Variants in COL12A1 observed in about 807,000 individuals in gnomAD.
COL12A1 encodes the protein collagen type XII alpha 1 chain, also known as collagen alpha-1(XII) chain.
A neutral mutation model predicts 349.7 loss-of-function variants in COL12A1; 114 were observed. The observed-to-expected ratio is 0.33, with a 90% confidence interval of 0.28 to 0.38. The LOEUF is 0.38. Ranked by LOEUF, COL12A1 falls within the 10% of genes least tolerant of loss-of-function variation. The pLI, the probability that COL12A1 is intolerant of heterozygous loss-of-function variation, is 1.00. For synonymous variants in COL12A1, 1,369 were observed against 1,329.0 expected (o/e 1.03, Z -0.66); for missense variants, 3,284 against 3,756.9 (o/e 0.87, Z 3.29).
At chr6:75,098,512 A>G (rs565004869) in intron 58 of COL12A1, among the ~76,000 whole-genome samples, 1 of 152,202 alleles carries the variant, frequency 6.6e-6, no homozygotes, top group Non-Finnish European at 1.5e-5. Flanking sequence ...GAAAAAAAGT[A>G]GCCAAGCATG....
chr6:75,190,177 C>T (rs1426734465), intron 5 of COL12A1, among the ~76,000 whole-genome samples: 2 of 151,896 alleles, frequency 1.3e-5, no homozygotes, highest in African/African-American at 4.8e-5. Context: ...TTTACAAGTA[C>T]AAATTTTATA....
Position 75,090,246 on chromosome 6 carries a change from C to T in COL12A1, c.8805G>A (p.Gln2935=), listed in dbSNP as rs1470807167. 6.2e-7 allele frequency: 1 copy of T among 1,613,728 alleles called. No homozygotes were observed. The change falls in exon 63 of 66, where the codon CAG becomes CAA. Residue 2935 remains glutamine, a synonymous_variant. Coordinates refer to ENST00000322507, the MANE Select transcript of COL12A1 (RefSeq NM_004370.6). This position sits in a 1 kb window ranked among gnomAD's most constrained non-coding sequence, Gnocchi z 4.1. The part of the protein sequence containing the change: ...QMLNQIPNDY[Q]SSRNQPGPPG... Reference sequence around the variant, plus strand: ...GCGGGCCTGGCTGGTTGCGACTGGACTGGTAATCATTTGGAATCTGATTCA... The same window carrying T: ...GCGGGCCTGGCTGGTTGCGACTGGATTGGTAATCATTTGGAATCTGATTCA...
At position 75,181,078 on chromosome 6, in the gene COL12A1, G is replaced by T. The variant is rs1298600418; in HGVS notation, c.2025C>A (p.Val675=). The change falls in exon 11 of 66, where the codon GTC becomes GTA. Residue 675 remains valine (V), a synonymous_variant. Transcript: ENST00000322507. Reference sequence around the variant, plus strand: ...TGCTCGATGCTGGCTCCACCACAGTGACCTCATCATCCCCAGCCGCTTCCT... The same window carrying T: ...TGCTCGATGCTGGCTCCACCACAGTTACCTCATCATCCCCAGCCGCTTCCT... ...TYKEAAGDDE[V]TVVEPASSTS... 6.2e-7 allele frequency: 1 copy of T among 1,613,776 alleles called. No individual in the cohort carries two copies. Among genetic ancestry groups the T allele is most frequent in the African/African-American group, 1.3e-5 (1 of 74,838 alleles).
Position 75,090,246 on chromosome 6 carries a change from C to A in COL12A1, c.8805G>T (p.Gln2935His). Residue 2935 changes from glutamine (Q) to histidine (H), a missense_variant, in exon 63 of 66, where the codon CAG becomes CAT. Around this residue, in one of 2 missense-constraint regions of COL12A1, gnomAD observed 683 missense variants for 932.1 expected, o/e 0.73. Transcript: ENST00000322507. The surrounding 1 kb of genome is among the most constrained non-coding windows in gnomAD (Gnocchi z 4.1). ...GCGGGCCTGGCTGGTTGCGACTGGA[C>A]TGGTAATCATTTGGAATCTGATTCA... ...QMLNQIPNDYQSSRNQPGPPG... is the reference protein window; with the variant it reads ...QMLNQIPNDYHSSRNQPGPPG... The A allele has an allele frequency of 6.2e-7, 1 of 1,613,728 alleles. No homozygotes were observed. Among genetic ancestry groups the A allele is most frequent in the Non-Finnish European group, 8.5e-7 (1 of 1,179,748 alleles).
intron 49 of COL12A1, 106 bp downstream of exon 49, chr6:75,115,678 A>C (rs953066961): frequency 2.1e-5 from 28 of 1,350,134 alleles, no homozygotes; most frequent in Non-Finnish European, 2.8e-5. Context: ...ATCCATAAGC[A>C]GTCTTCTGAC....
Position 75,134,040 on chromosome 6 carries a change from C to A in COL12A1, c.5525-43G>T, listed in dbSNP as rs775821772. 1.9e-6 allele frequency: 3 copies of A among 1,586,098 alleles called. No homozygotes were observed. In the East Asian group the frequency reaches 6.9e-5, roughly 36 times the overall value. ...CCCATCACAGTATAATGCTAACAAT[C>A]AAGCACACATGAAACACAGATTCAC... is the stretch of plus-strand genomic sequence containing the variant. On this transcript the variant is annotated intron_variant, in intron 32 of 65. Transcript: ENST00000322507.
At chr6:75,155,560 C>T (rs1767710400) in intron 16 of COL12A1, 102 bp downstream of exon 16, 1 of 1,158,086 alleles carries the variant, frequency 8.6e-7, no homozygotes, top group Non-Finnish European at 1.2e-6. Flanking sequence ...GGCAAACAGA[C>T]ATATAAGTGA....
Position 75,146,243 on chromosome 6 carries a change from C to A in COL12A1, c.4419G>T (p.Leu1473Phe). ...SEPLKGTEKT[L>F]PVPVVSLNIY... ...TATTCAGGCTGACTACAGGCACTGG[C>A]ACTTCCAAAACAGAAAAGCAGACCA... is the stretch of plus-strand genomic sequence containing the variant. The change falls in exon 24 of 66, where the codon TTG (leucine) becomes TTT (phenylalanine). Residue 1473 changes from leucine (L) to phenylalanine (F), a missense_variant and splice_region_variant. Leu to Phe is a conservative substitution (Grantham distance 22, BLOSUM62 0). This residue lies in a region of COL12A1 where 2,601 missense variants were observed against 2,824.8 expected (regional missense o/e 0.92). Coordinates refer to ENST00000322507, the MANE Select transcript of COL12A1 (RefSeq NM_004370.6). 2 of 1,595,150 alleles carry A rather than the reference C, an allele frequency of 1.3e-6. No individual in the cohort carries two copies. Among genetic ancestry groups the A allele is most frequent in the Non-Finnish European group, 1.7e-6 (2 of 1,173,212 alleles).
Position 75,132,004 on chromosome 6 carries a change from G to C in COL12A1, c.5873C>G (p.Pro1958Arg), listed in dbSNP as rs755452261. ...NSLDVRWDPA[P>R]GPVLQYRVVY... ...AACGCGATATTGCAGCACAGGTCCTGGAGCAGGGTCCCAGCGAACATCGAG... is the reference window on the plus strand; with the variant it reads ...AACGCGATATTGCAGCACAGGTCCTCGAGCAGGGTCCCAGCGAACATCGAG... Residue 1958 changes from proline (P) to arginine (R), a missense_variant, in exon 35 of 66, where the codon CCA becomes CGA. Pro to Arg is a moderately radical substitution (Grantham distance 103). Coordinates refer to ENST00000322507, the MANE Select transcript of COL12A1 (RefSeq NM_004370.6). The C allele has an allele frequency of 1.1e-5, 18 of 1,614,096 alleles. No homozygotes were observed. Among genetic ancestry groups the C allele is most frequent in the Admixed American group, 3.3e-5 (2 of 60,028 alleles).
chr6:75,130,154 A>G lies in COL12A1; in HGVS notation c.6147T>C (p.Asp2049=), dbSNP rs200777154. Residue 2049 remains aspartate, a synonymous_variant, in exon 37 of 66, where the codon GAT becomes GAC. Transcript: ENST00000322507. The stretch of plus-strand genomic sequence containing the variant: ...TGATCCTGTACTGCTGAACTGGCCC[A>G]TCAGCATGATCCCAGGCTACCGAGA... ...NSLSVAWDHA[D]GPVQQYRIIY... The G allele has an allele frequency of 5.1e-5, 83 of 1,614,122 alleles. No individual in the cohort carries two copies. In the East Asian group the frequency reaches 1.8e-3, roughly 36 times the overall value.
intron 27 of COL12A1, among the ~76,000 whole-genome samples, chr6:75,139,577 A>T (rs986148890): frequency 2.6e-5 from 4 of 152,230 alleles, no homozygotes; most frequent in Non-Finnish European, 4.4e-5. Context: ...AAAGTATTGC[A>T]CTCTGACAAT....
chr6:75,150,921 G>A (rs1767446346), intron 21 of COL12A1, among the ~76,000 whole-genome samples: 1 of 152,048 alleles, frequency 6.6e-6, no homozygotes, highest in South Asian at 2.1e-4. Flanking sequence ...TTCTCAACTG[G>A]GGACAGTTTT....
rs1766505671 is a variant in COL12A1 at position 75,134,863 on chromosome 6, A to G, written c.5395-8T>C. 3 of 1,607,862 alleles carry G rather than the reference A, an allele frequency of 1.9e-6. No individual in the cohort carries two copies. Among genetic ancestry groups the G allele is most frequent in the East Asian group, 4.5e-5 (2 of 44,804 alleles). ...CCGTCCTCCTATTGTGGTCTTGAGT[A>G]AAAAGGGTCTTGGTAAGTGTCAGCC... On this transcript the variant is annotated splice_region_variant and splice_polypyrimidine_tract_variant and intron_variant, in intron 31 of 65. Transcript: ENST00000322507.
rs141872171 is a variant in COL12A1, at chr6:75,087,330, A to G, written c.9181+247T>C. ...CATGCTTTGAAGTCCCAAGAGAAGTAAGGGGAGGTTTATGATGTGATTTGG... is the reference window on the plus strand; with the variant it reads ...CATGCTTTGAAGTCCCAAGAGAAGTGAGGGGAGGTTTATGATGTGATTTGG... On this transcript the variant is annotated intron_variant, in intron 65 of 65. Coordinates refer to ENST00000322507, the MANE Select transcript of COL12A1 (RefSeq NM_004370.6). 2.5e-4 allele frequency: 110 copies of G among 436,650 alleles called. 1 individual carries two copies. The highest frequency in any genetic ancestry group is 1.6e-3 in the African/African-American group (76 of 49,002). The allele number at this position is 436,650 out of a possible 1,614,324, so 27.0% of individuals were successfully genotyped here.
At chr6:75,171,401 G>A (rs1768625748) in intron 13 of COL12A1, among the ~76,000 whole-genome samples, 1 of 152,128 alleles carries the variant, frequency 6.6e-6, no homozygotes, top group Admixed American at 6.6e-5. Context: ...TCTGATCATT[G>A]GCTGCATTTC....
At chr6:75,108,532 A>C (rs1768677007) in intron 52 of COL12A1, among the ~76,000 whole-genome samples, 1 of 152,226 alleles carries the variant, frequency 6.6e-6, no homozygotes, top group Admixed American at 6.5e-5. Flanking sequence ...TAATGGGGTC[A>C]GCTGGCTGCC....
chr6:75,089,976 T>C, intron 63 of COL12A1, 134 bp downstream of exon 63: 2 of 867,376 alleles, frequency 2.3e-6, no homozygotes, highest in Non-Finnish European at 3.6e-6. Context: ...GCCTAACAGC[T>C]CTTCTGAGGC....
At chr6:75,178,662 C>T (rs1769106257) in intron 11 of COL12A1, among the ~76,000 whole-genome samples, 1 of 152,198 alleles carries the variant, frequency 6.6e-6, no homozygotes, top group Non-Finnish European at 1.5e-5. Flanking sequence ...ACTGCCTATA[C>T]AGACAACATA....
intron 14 of COL12A1, among the ~76,000 whole-genome samples, chr6:75,157,503 G>A (rs770880818): frequency 1.3e-5 from 2 of 151,842 alleles, no homozygotes; most frequent in Non-Finnish European, 2.9e-5. Context: ...AGCTGGCATA[G>A]GACACTGATC....
Sources: gnomAD v4.1 joint callset for allele counts (sites outside exome capture counted in the v4.1 genomes callset) on GRCh38, gnomAD v4.1.1 for gene constraint, gnomAD v4.1.1 regional missense constraint, Gnocchi (gnomAD v3.1) non-coding constraint, MANE v1.5 for transcripts, NCBI Gene and HGNC (gene_info 2026-07-23, HGNC 2026-07-21) for gene names.